The following ATRN variants were observed in gnomAD, a reference collection of about 807,000 sequenced individuals.
ATRN encodes attractin-2.
Under a neutral mutation model 178.7 loss-of-function variants are expected in ATRN, and 54 were observed. The ratio of observed to expected loss-of-function variants is 0.30; its 90% CI spans 0.24 to 0.38. The LOEUF (loss-of-function observed/expected upper bound fraction) is 0.38. Ranked by LOEUF, ATRN falls within the 10% of genes least tolerant of loss-of-function variation. The pLI is 1.00. For synonymous variants in ATRN, 636 were observed against 663.0 expected, an observed-to-expected ratio of 0.96 and a Z score of 0.63; for missense variants, 1,443 against 1,815.1, an observed-to-expected ratio of 0.79 and a Z score of 3.73.
intron 1 of ATRN, among the ~76,000 whole-genome samples, chr20:3,501,095 A>G (rs138948121): frequency 2.0e-5 from 3 of 152,314 alleles, no homozygotes; most frequent in Middle Eastern, 6.8e-3. Flanking sequence ...TGTTTTTAGT[A>G]ATCGTATAAC....
At chr20:3,572,675 C>A in intron 11 of ATRN, 56 bp from the exon 12 acceptor site, 2 of 1,424,534 alleles carry the variant, frequency 1.4e-6, no homozygotes, top group South Asian at 1.3e-5. Flanking sequence ...AAAAGTATAG[C>A]ATCCAATTGT....
intron 1 of ATRN, among the ~76,000 whole-genome samples, chr20:3,506,935 A>G (rs1385823160): frequency 6.6e-6 from 1 of 152,152 alleles, no homozygotes; most frequent in African/African-American, 2.4e-5. Context: ...GCCTTAGAAG[A>G]GAATTAGTTA....
intron 25 of ATRN, among the ~76,000 whole-genome samples, chr20:3,631,464 A>G (rs2086989155): frequency 8.3e-6 from 1 of 120,998 alleles, no homozygotes; most frequent in African/African-American, 4.0e-5. Flanking sequence ...AGGTCCTGAC[A>G]CAGTCTGTTG....
At chr20:3,496,594 AGGTGT>A (rs991651703) in intron 1 of ATRN, among the ~76,000 whole-genome samples, 1 of 152,092 alleles carries the variant, frequency 6.6e-6, no homozygotes, top group Non-Finnish European at 1.5e-5. Context: ...ATTTTGGAAT[AGGTGT>A]GGTGTGGTGC....
chr20:3,633,565 A>G (rs993057611), intron 25 of ATRN, among the ~76,000 whole-genome samples: 7 of 152,208 alleles, frequency 4.6e-5, no homozygotes, highest in Non-Finnish European at 7.3e-5. Flanking sequence ...TTTACAAGTT[A>G]ATGAGTAAAA....
intron 11 of ATRN, among the ~76,000 whole-genome samples, chr20:3,572,483 TTATGA>T (rs1037100379): frequency 6.6e-6 from 1 of 152,136 alleles, no homozygotes; most frequent in Admixed American, 6.5e-5. Context: ...CTTAGAAGAC[TTATGA>T]TATGTAAGAT....
chr20:3,505,937 G>A (rs1324421229), intron 1 of ATRN, among the ~76,000 whole-genome samples: 1 of 152,204 alleles, frequency 6.6e-6, no homozygotes, highest in Admixed American at 6.5e-5. Flanking sequence ...TAGGAGGTAT[G>A]CTGATTGTAA....
At chr20:3,580,638 T>A (rs467179) in intron 15 of ATRN, among the ~76,000 whole-genome samples, 1 of 151,648 alleles carries the variant, frequency 6.6e-6, no homozygotes, top group South Asian at 2.1e-4. Flanking sequence ...CTTTCTGTGA[T>A]TTAATTAGTG....
intron 24 of ATRN, among the ~76,000 whole-genome samples, chr20:3,619,647 T>G (rs542451123): frequency 6.6e-6 from 1 of 152,338 alleles, no homozygotes; most frequent in East Asian, 1.9e-4. Context: ...AATGCCATGC[T>G]TCCATATTTT....
At chr20:3,555,578 G>C (rs1031438127) in intron 6 of ATRN, among the ~76,000 whole-genome samples, 1 of 152,150 alleles carries the variant, frequency 6.6e-6, no homozygotes, top group African/African-American at 2.4e-5. Context: ...TCAGAGGAGA[G>C]GAGAGTCTGG....
chr20:3,543,223 A>C (rs2085650210), intron 3 of ATRN, among the ~76,000 whole-genome samples: 1 of 152,126 alleles, frequency 6.6e-6, no homozygotes, highest in South Asian at 2.1e-4. Context: ...ATCTGGGCTT[A>C]TCTGTTGTTT....
chr20:3,560,755 T>G lies in ATRN; in HGVS notation c.1297T>G (p.Leu433Val), dbSNP rs1472395727. 1.2e-6 allele frequency: 2 copies of G among 1,614,166 alleles called. No individual in the cohort carries two copies. The highest frequency in any genetic ancestry group is 1.3e-5 in the African/African-American group (1 of 75,044). Residue 433 changes from leucine to valine, a missense_variant, in exon 8 of 29, where the codon TTG becomes GTG. This residue lies in a region of ATRN where 862 missense variants were observed against 972.1 expected (regional missense o/e 0.89). Coordinates refer to ENST00000262919, the MANE Select transcript of ATRN (RefSeq NM_139321.3). ...TCACATTCATAATGAGTCATGGGTG[T>G]TGTTGACCCCTAAGGCAAAGGAGCA... ...VFHIHNESWVLLTPKAKEQYA... is the reference protein window; with the variant it reads ...VFHIHNESWVVLTPKAKEQYA...
At chr20:3,551,807 A>G (rs924995644) in intron 6 of ATRN, among the ~76,000 whole-genome samples, 5 of 152,048 alleles carry the variant, frequency 3.3e-5, no homozygotes, top group Non-Finnish European at 7.4e-5. Context: ...ACAAACTCCT[A>G]CCACCACATT....
chr20:3,573,579 T>C (rs547065475), intron 12 of ATRN, among the ~76,000 whole-genome samples: 2 of 152,068 alleles, frequency 1.3e-5, no homozygotes, highest in African/African-American at 2.4e-5. Context: ...AACAGTGATA[T>C]CAAGACAGAC....
chr20:3,643,701 C>A (rs2087086316), intron 27 of ATRN, among the ~76,000 whole-genome samples: 1 of 152,194 alleles, frequency 6.6e-6, no homozygotes, highest in South Asian at 2.1e-4. Flanking sequence ...TACTTAGTGT[C>A]TAAAGGACAG....
chr20:3,471,555 A>G (rs1599983748), intron 1 of ATRN, 38 bp downstream of exon 1: 3 of 1,374,438 alleles, frequency 2.2e-6, no homozygotes, highest in Non-Finnish European at 2.8e-6. Flanking sequence ...GGGTCCAACC[A>G]GAGGCTGGGG....
At chr20:3,493,622 A>G (rs2084837951) in intron 1 of ATRN, among the ~76,000 whole-genome samples, 1 of 152,080 alleles carries the variant, frequency 6.6e-6, no homozygotes, top group Non-Finnish European at 1.5e-5. Flanking sequence ...AAACATGAAC[A>G]ACCTGTATAT....
At chr20:3,586,295 C>T (rs759530509) in intron 18 of ATRN, among the ~76,000 whole-genome samples, 2 of 152,038 alleles carry the variant, frequency 1.3e-5, no homozygotes, top group Non-Finnish European at 2.9e-5. Context: ...CATGGATTAC[C>T]CTAAAAAAAC....
chr20:3,627,185 G>A (rs1020411529), intron 25 of ATRN, among the ~76,000 whole-genome samples: 12 of 152,166 alleles, frequency 7.9e-5, no homozygotes, highest in East Asian at 1.9e-4. Flanking sequence ...GTTGTGCTTC[G>A]AGGTTATAGC....
Sources: allele counts gnomAD v4.1 joint callset (sites outside exome capture counted in the v4.1 genomes callset), GRCh38; gene constraint gnomAD v4.1.1; regional missense constraint gnomAD v4.1.1; transcripts MANE v1.5; gene names NCBI Gene and HGNC (gene_info 2026-07-23, HGNC 2026-07-21).